The following NRG3 variants were observed in gnomAD, a reference collection of about 807,000 sequenced individuals.
NRG3 encodes the protein pro-neuregulin-3, membrane-bound isoform.
A neutral mutation model predicts 66.9 loss-of-function variants in NRG3; 31 were observed. That is an observed-to-expected ratio of 0.46 (90% CI 0.35 to 0.63). The LOEUF (loss-of-function observed/expected upper bound fraction) is 0.63, where lower values mean the gene tolerates loss of function less well. NRG3 is among the 20% of genes least tolerant of loss of function. NRG3 has a pLI of 0.00. For synonymous variants in NRG3, 393 were observed against 359.4 expected, an observed-to-expected ratio of 1.09 and a Z score of -1.06; for missense variants, 910 against 878.9, an observed-to-expected ratio of 1.04 and a Z score of -0.45.
chr10:82,087,565 C>T (rs759014542), intron 1 of NRG3, among the ~76,000 whole-genome samples: 2 of 152,064 alleles, frequency 1.3e-5, no homozygotes, highest in Non-Finnish European at 2.9e-5. Flanking sequence ...ATTTGTTGCC[C>T]CACTTTGCCA....
chr10:82,122,279 A>T (rs1368649244), intron 1 of NRG3, among the ~76,000 whole-genome samples: 2 of 152,168 alleles, frequency 1.3e-5, no homozygotes, highest in African/African-American at 2.4e-5. Context: ...GATCTTCTTC[A>T]TAGCAGTCAG....
intron 2 of NRG3, among the ~76,000 whole-genome samples, chr10:82,377,770 C>A (rs2085347236): frequency 6.6e-6 from 1 of 152,170 alleles, no homozygotes; most frequent in African/African-American, 2.4e-5. Flanking sequence ...GCTTTCCTGG[C>A]TTCCCTGCTT....
intron 2 of NRG3, among the ~76,000 whole-genome samples, chr10:82,557,127 A>G (rs1051176793): frequency 1.3e-5 from 2 of 152,164 alleles, no homozygotes; most frequent in African/African-American, 4.8e-5. Context: ...TTATGGTAGA[A>G]TAATTTCTAT....
intron 1 of NRG3, among the ~76,000 whole-genome samples, chr10:82,020,977 G>C (rs752191549): frequency 6.6e-6 from 1 of 152,040 alleles, no homozygotes; most frequent in Non-Finnish European, 1.5e-5. Context: ...ATATGGCAAG[G>C]CTCCTGAAGA....
intron 3 of NRG3, among the ~76,000 whole-genome samples, chr10:82,771,167 T>C (rs1358888734): frequency 6.6e-6 from 1 of 152,150 alleles, no homozygotes; most frequent in African/African-American, 2.4e-5. Flanking sequence ...TTTGTTATAC[T>C]TTTATCACCT....
chr10:82,821,351 T>C (rs1327943383), intron 3 of NRG3, among the ~76,000 whole-genome samples: 8 of 152,200 alleles, frequency 5.3e-5, no homozygotes, highest in Non-Finnish European at 1.0e-4. Context: ...TGATTTCTTC[T>C]GTCTCCAATT....
At chr10:81,887,757 C>A (rs2132529838) in intron 1 of NRG3, among the ~76,000 whole-genome samples, 1 of 152,110 alleles carries the variant, frequency 6.6e-6, no homozygotes, top group African/African-American at 2.4e-5. Context: ...AGAGCCAGAA[C>A]AAATATATGA....
At chr10:82,875,454 C>A (rs547559190) in intron 4 of NRG3, among the ~76,000 whole-genome samples, 14 of 152,226 alleles carry the variant, frequency 9.2e-5, no homozygotes, top group African/African-American at 2.4e-4. Context: ...ACCTCCCAGG[C>A]TCAAGTCTTC....
intron 3 of NRG3, among the ~76,000 whole-genome samples, chr10:82,846,968 G>A (rs1039075): frequency 0.18 from 27,517 of 152,096 alleles, 2,837 homozygotes; most frequent in African/African-American, 0.3. Flanking sequence ...TGTGGGTTTT[G>A]TTTTTCTGAA....
At chr10:82,293,032 A>C (rs2079837914) in intron 1 of NRG3, among the ~76,000 whole-genome samples, 1 of 152,196 alleles carries the variant, frequency 6.6e-6, no homozygotes, top group Non-Finnish European at 1.5e-5. Context: ...GCTGCATGTC[A>C]ATCTGCAATT....
chr10:82,444,431 A>G (rs2090608567), intron 2 of NRG3, among the ~76,000 whole-genome samples: 1 of 152,208 alleles, frequency 6.6e-6, no homozygotes, highest in Non-Finnish European at 1.5e-5. Flanking sequence ...TGACTAAAGA[A>G]AAGAAGAAGT....
intron 1 of NRG3, among the ~76,000 whole-genome samples, chr10:82,064,651 T>G (rs1450325698): frequency 6.6e-6 from 1 of 152,168 alleles, no homozygotes; most frequent in African/African-American, 2.4e-5. Flanking sequence ...TGCACACTTA[T>G]GAGCATTTAA....
At chr10:81,954,486 A>G (rs968074432) in intron 1 of NRG3, among the ~76,000 whole-genome samples, 3 of 152,182 alleles carry the variant, frequency 2.0e-5, no homozygotes, top group Admixed American at 6.5e-5. Flanking sequence ...TCTGAACTCT[A>G]TCAGAACAAA....
intron 3 of NRG3, among the ~76,000 whole-genome samples, chr10:82,756,226 C>T (rs904306426): frequency 6.6e-6 from 1 of 152,100 alleles, no homozygotes; most frequent in African/African-American, 2.4e-5. Flanking sequence ...ACTTCAGCAG[C>T]TGCTCTTCAG....
At chr10:82,446,278 G>A (rs1038684290) in intron 2 of NRG3, among the ~76,000 whole-genome samples, 1 of 152,134 alleles carries the variant, frequency 6.6e-6, no homozygotes, top group Non-Finnish European at 1.5e-5. Flanking sequence ...CACAAAGTAG[G>A]TGTTTAATAA....
intron 3 of NRG3, among the ~76,000 whole-genome samples, chr10:82,761,972 C>CT (rs1173006322): frequency 6.8e-5 from 4 of 59,188 alleles, no homozygotes; most frequent in African/African-American, 1.3e-4. Flanking sequence ...TTCTTTCTTT[C>CT]TTTTCTTTCT....
rs866362812 is a variant in NRG3, at chr10:82,349,234, T to C, written c.824-9505T>C. ...GTCTTTGATGATGGTGATGTACAGA[T>C]GGGTTTTTGGTGTGGATGTCCTTTC... On this transcript the variant is annotated intron_variant, in intron 1 of 8. Transcript: ENST00000372141. 3.4e-3 allele frequency among the ~76,000 whole-genome samples: 518 copies of C among 151,530 alleles called. 2 individuals carry two copies. Among genetic ancestry groups the C allele is most frequent in the African/African-American group, 0.011 (473 of 41,394 alleles).
intron 2 of NRG3, among the ~76,000 whole-genome samples, chr10:82,612,799 TTTC>T (rs1472989968): frequency 6.6e-6 from 1 of 152,226 alleles, no homozygotes; most frequent in Non-Finnish European, 1.5e-5. Flanking sequence ...TAAGTCTACA[TTTC>T]TTGTTTTGAG....
intron 1 of NRG3, among the ~76,000 whole-genome samples, chr10:82,311,252 G>A (rs987430221): frequency 6.6e-6 from 1 of 152,110 alleles, no homozygotes; most frequent in African/African-American, 2.4e-5. Context: ...ATTTATAATG[G>A]TTCCTCATTG....
Sources: allele counts gnomAD v4.1 joint callset (sites outside exome capture counted in the v4.1 genomes callset), GRCh38; gene constraint gnomAD v4.1.1; transcripts MANE v1.5; gene names NCBI Gene and HGNC (gene_info 2026-07-23, HGNC 2026-07-21).